The following CNBD1 variants were observed in gnomAD, a reference collection of about 807,000 sequenced individuals.
CNBD1 encodes cyclic nucleotide-binding domain-containing protein 1.
A neutral mutation model predicts 54.4 loss-of-function variants in CNBD1; 71 were observed. That is an observed-to-expected ratio of 1.30 (90% CI 1.08 to 1.59). The LOEUF is 1.59. Among genes scored for constraint, CNBD1 ranks in the 40% most tolerant of loss-of-function variants. The pLI is 0.00. For synonymous variants in CNBD1, 182 were observed against 170.7 expected (o/e 1.07, Z -0.51); for missense variants, 659 against 518.0 (o/e 1.27, Z -2.64).
intron 4 of CNBD1, among the ~76,000 whole-genome samples, chr8:87,050,599 A>G (rs536221353): frequency 6.6e-6 from 1 of 152,328 alleles, no homozygotes; most frequent in Admixed American, 6.5e-5. Flanking sequence ...GAAGGCAAAC[A>G]GGTATTGAGA....
intron 8 of CNBD1, among the ~76,000 whole-genome samples, chr8:87,288,540 G>A (rs1475172432): frequency 6.6e-6 from 1 of 152,014 alleles, no homozygotes; most frequent in African/African-American, 2.4e-5. Context: ...GTTTTAATAT[G>A]TTTGATTACT....
Position 86,990,436 on chromosome 8 carries a change from T to C in CNBD1, c.431+50682T>C, listed in dbSNP as rs1808719778. ...GACATACAGTTTTCCCAATACCTTTTATTGAAGAGATTGTCCTTTCCCAAT... is the reference window on the plus strand; with the variant it reads ...GACATACAGTTTTCCCAATACCTTTCATTGAAGAGATTGTCCTTTCCCAAT... On this transcript the variant is annotated intron_variant, in intron 4 of 10. Coordinates refer to ENST00000518476, the MANE Select transcript of CNBD1 (RefSeq NM_173538.3). Among the ~76,000 whole-genome samples, 3 of 152,122 alleles carry C rather than the reference T, an allele frequency of 2.0e-5. No individual in the cohort carries two copies. The South Asian group carries it at 6.2e-4, about 31-fold the overall frequency.
chr8:86,969,037 A>G (rs1460084195), intron 4 of CNBD1, among the ~76,000 whole-genome samples: 1 of 152,150 alleles, frequency 6.6e-6, no homozygotes, highest in Non-Finnish European at 1.5e-5. Flanking sequence ...TAGCCATCTT[A>G]TTTAGGAACA....
chr8:87,166,638 C>G lies in CNBD1; in HGVS notation c.432-39355C>G, dbSNP rs1812968992. 6.6e-6 allele frequency among the ~76,000 whole-genome samples: 1 copy of G among 152,058 alleles called. No individual in the cohort carries two copies. Among genetic ancestry groups the G allele is most frequent in the East Asian group, 1.9e-4 (1 of 5,172 alleles). On this transcript the variant is annotated intron_variant, in intron 4 of 10. Coordinates refer to ENST00000518476, the MANE Select transcript of CNBD1 (RefSeq NM_173538.3). The surrounding 1 kb of genome is among the most constrained non-coding windows in gnomAD (Gnocchi z 4.3). ...CCTTCTCACAGTTCTCTGGCTCTTT[C>G]ACTTTCTTGTCAGTTCCTCTTTGTT...
chr8:86,883,958 C>T (rs1339711441), intron 1 of CNBD1, among the ~76,000 whole-genome samples: 3 of 151,726 alleles, frequency 2.0e-5, no homozygotes, highest in African/African-American at 2.4e-5. Context: ...GAGACCATCC[C>T]GGCTAAAACG....
At chr8:87,322,444 T>A (rs533054312) in intron 8 of CNBD1, among the ~76,000 whole-genome samples, 1,930 of 121,316 alleles carry the variant, frequency 0.016, 401 homozygotes, top group African/African-American at 0.053. Context: ...TTCCTATTTC[T>A]CCACATCCTC....
intron 4 of CNBD1, among the ~76,000 whole-genome samples, chr8:86,970,689 A>G (rs1471301616): frequency 6.6e-6 from 1 of 152,098 alleles, no homozygotes; most frequent in African/African-American, 2.4e-5. Flanking sequence ...TTCCTCTTAT[A>G]ATTGAGAACA....
intron 2 of CNBD1, among the ~76,000 whole-genome samples, chr8:86,892,550 A>G (rs895387147): frequency 1.3e-5 from 2 of 152,146 alleles, no homozygotes; most frequent in African/African-American, 4.8e-5. Context: ...TGCTCAAAAT[A>G]TATCTGAAAT....
chr8:87,357,960 C>A (rs1810454330), intron 10 of CNBD1, among the ~76,000 whole-genome samples: 1 of 152,144 alleles, frequency 6.6e-6, no homozygotes, highest in Non-Finnish European at 1.5e-5. Flanking sequence ...TGTGAGTTCA[C>A]ATGAGAGCTG....
Position 87,027,059 on chromosome 8 carries a change from C to G in CNBD1, c.431+87305C>G, listed in dbSNP as rs188953180. 5.2e-3 allele frequency among the ~76,000 whole-genome samples: 790 copies of G among 152,148 alleles called. 7 individuals are homozygous for G. The highest frequency in any genetic ancestry group is 0.018 in the African/African-American group (745 of 41,512). ...TTAAGTCATGTGAACTTGAAAAATA[C>G]TTTGGGCTTAACTTATGAGTGCTTT... On this transcript the variant is annotated intron_variant, in intron 4 of 10. Transcript: ENST00000518476.
At chr8:87,153,579 C>A (rs539686067) in intron 4 of CNBD1, among the ~76,000 whole-genome samples, 2 of 152,168 alleles carry the variant, frequency 1.3e-5, no homozygotes, top group African/African-American at 4.8e-5. Flanking sequence ...TGTAATGGGA[C>A]GTTGATTTAA....
intron 4 of CNBD1, among the ~76,000 whole-genome samples, chr8:86,952,911 G>A (rs1166593990): frequency 6.6e-6 from 1 of 152,034 alleles, no homozygotes; most frequent in African/African-American, 2.4e-5. Context: ...CCACTTATCT[G>A]CTTTCTGTCA....
At chr8:87,364,221 G>A (rs974332643) in intron 10 of CNBD1, among the ~76,000 whole-genome samples, 1 of 150,926 alleles carries the variant, frequency 6.6e-6, no homozygotes. Context: ...ATATTTATAA[G>A]TATCTATATA....
chr8:87,267,917 G>T (rs998858206), intron 6 of CNBD1, among the ~76,000 whole-genome samples: 1 of 152,094 alleles, frequency 6.6e-6, no homozygotes, highest in African/African-American at 2.4e-5. Flanking sequence ...CACAAAAATT[G>T]TTTAATTTAG....
At chr8:87,026,696 A>G (rs780428681) in intron 4 of CNBD1, among the ~76,000 whole-genome samples, 1 of 152,140 alleles carries the variant, frequency 6.6e-6, no homozygotes, top group African/African-American at 2.4e-5. Context: ...TGTTTTCATA[A>G]CTTCCTTCAA....
intron 4 of CNBD1, among the ~76,000 whole-genome samples, chr8:87,067,764 T>C (rs2130647950): frequency 6.6e-6 from 1 of 152,062 alleles, no homozygotes; most frequent in Admixed American, 6.6e-5. Flanking sequence ...TTAAAACTTG[T>C]CTCTTTAAAG....
At position 87,400,160 on chromosome 8, in the gene CNBD1, C is replaced by A. The variant is rs546793323; in HGVS notation, c.214-28386C>A. Among the ~76,000 whole-genome samples the A allele has an allele frequency of 6.6e-5, 10 of 152,056 alleles. No homozygotes were observed. In the South Asian group the frequency reaches 2.1e-3, roughly 32 times the overall value. On this transcript the variant is annotated intron_variant, in intron 2 of 7. Coordinates refer to the CNBD1 transcript ENST00000521593. The stretch of plus-strand genomic sequence containing the variant: ...CGAGGATTCTCATAGATTTTGTGAA[C>A]TACCAATTATCCATCTGCTAAAATC...
At chr8:87,425,170 A>G (rs1192347031) in intron 2 of CNBD1, among the ~76,000 whole-genome samples, 2 of 152,020 alleles carry the variant, frequency 1.3e-5, no homozygotes, top group African/African-American at 4.8e-5. Flanking sequence ...TTTCAGCTCC[A>G]TCAGCTCCTT....
intron 4 of CNBD1, among the ~76,000 whole-genome samples, chr8:86,967,345 A>G (rs1586169242): frequency 6.6e-6 from 1 of 152,220 alleles, no homozygotes; most frequent in East Asian, 1.9e-4. Flanking sequence ...TTGGATGGCT[A>G]TAGTCCTGCC....
Sources: gnomAD v4.1 joint callset for allele counts (sites outside exome capture counted in the v4.1 genomes callset) on GRCh38, gnomAD v4.1.1 for gene constraint, Gnocchi (gnomAD v3.1) non-coding constraint, MANE v1.5 for transcripts, NCBI Gene and HGNC (gene_info 2026-07-23, HGNC 2026-07-21) for gene names.